Variants in MAP6 observed in about 807,000 individuals in gnomAD.
MAP6 encodes the protein microtubule-associated protein 6.
A neutral mutation model predicts 42.4 loss-of-function variants in MAP6; 26 were observed. That is an observed-to-expected ratio of 0.61 (90% CI 0.45 to 0.85). The LOEUF (loss-of-function observed/expected upper bound fraction) is 0.85, where lower values mean the gene tolerates loss of function less well. Ranked by LOEUF, MAP6 falls within the 40% of genes least tolerant of loss-of-function variation. MAP6 has a pLI of 0.00. For missense variants in MAP6, 966 were observed against 1,099.0 expected (o/e 0.88, Z 1.71); for synonymous variants, 418 against 443.8 (o/e 0.94, Z 0.73).
At chr11:75,652,437 C>T (rs1943663687) in intron 1 of MAP6, among the ~76,000 whole-genome samples, 1 of 152,182 alleles carries the variant, frequency 6.6e-6, no homozygotes, top group African/African-American at 2.4e-5. Context: ...GTTTTGCCTG[C>T]TGATATCAGA....
intron 1 of MAP6, among the ~76,000 whole-genome samples, chr11:75,659,099 T>G (rs982283612): frequency 6.6e-6 from 1 of 152,136 alleles, no homozygotes; most frequent in Non-Finnish European, 1.5e-5. Context: ...GGAAACTGAA[T>G]GAAGAAAGTA....
At chr11:75,605,347 C>G in intron 3 of MAP6, 3 of 986,298 alleles carry the variant, frequency 3.0e-6, no homozygotes, top group Non-Finnish European at 3.6e-6. Flanking sequence ...TTGCTGAAGC[C>G]CAGGCTGAGC....
At chr11:75,603,574 G>C in intron 3 of MAP6, 1 of 954,002 alleles carries the variant, frequency 1.0e-6, no homozygotes, top group Non-Finnish European at 1.2e-6. Flanking sequence ...AGGGTAGGAA[G>C]TTGGTCCCTG....
At chr11:75,636,300 T>G (rs1458700371) in intron 1 of MAP6, 1 of 152,244 alleles carries the variant, frequency 6.6e-6, no homozygotes, top group Non-Finnish European at 1.5e-5. Flanking sequence ...CACCTGCCCT[T>G]CTGAAAAGCT....
chr11:75,655,263 G>A (rs1018810131), intron 1 of MAP6, among the ~76,000 whole-genome samples: 5 of 152,176 alleles, frequency 3.3e-5, no homozygotes, highest in Non-Finnish European at 7.3e-5. Context: ...TGCTTTTATA[G>A]TATAAGCCTC....
intron 1 of MAP6, among the ~76,000 whole-genome samples, chr11:75,649,361 C>T (rs1370815911): frequency 6.6e-6 from 1 of 152,054 alleles, no homozygotes; most frequent in Non-Finnish European, 1.5e-5. Flanking sequence ...AGGCCTTACA[C>T]AGCTCATGGA....
intron 1 of MAP6, among the ~76,000 whole-genome samples, chr11:75,655,540 TAA>T (rs1470579612): frequency 1.3e-5 from 2 of 152,188 alleles, no homozygotes; most frequent in Non-Finnish European, 2.9e-5. Context: ...ATTGGTCAGA[TAA>T]TGGAAGGCAC....
Position 75,645,363 on chromosome 11 carries a change from C to T in MAP6, c.905+22102G>A, listed in dbSNP as rs185404166. On this transcript the variant is annotated intron_variant, in intron 1 of 3. Coordinates refer to ENST00000304771, the MANE Select transcript of MAP6 (RefSeq NM_033063.2). ...GTTCTGGGTGGGGGTGGGATGGAGT[C>T]GGGGAACCTGCCACTATCCATCAAA... 3.5e-3 allele frequency among the ~76,000 whole-genome samples: 536 copies of T among 151,974 alleles called. 1 individual carries two copies. Among genetic ancestry groups the T allele is most frequent in the Non-Finnish European group, 5.7e-3 (390 of 67,970 alleles).
intron 1 of MAP6, among the ~76,000 whole-genome samples, chr11:75,646,796 A>G (rs1339404805): frequency 6.6e-6 from 1 of 152,120 alleles, no homozygotes; most frequent in African/African-American, 2.4e-5. Context: ...GCAAAACTCC[A>G]TCTCAAAAAA....
Position 75,668,280 on chromosome 11 carries a change from G to A in MAP6, c.90C>T (p.Phe30=), listed in dbSNP as rs751504650. The A allele has an allele frequency of 3.2e-6, 5 of 1,545,666 alleles. No homozygotes were observed. The South Asian group carries it at 5.8e-5, about 18-fold the overall frequency. ...DKADIAVPLV[F]TKYSEATEHP... ...GCTCGGTGGCCTCCGAGTACTTGGTGAAAACCAGCGGCACAGCGATGTCCG... is the reference window on the plus strand; with the variant it reads ...GCTCGGTGGCCTCCGAGTACTTGGTAAAAACCAGCGGCACAGCGATGTCCG... The change falls in exon 1 of 4, where the codon TTC becomes TTT. Residue 30 remains phenylalanine, a synonymous_variant. Coordinates refer to ENST00000304771, the MANE Select transcript of MAP6 (RefSeq NM_033063.2).
chr11:75,668,183 G>T lies in MAP6; in HGVS notation c.187C>A (p.Arg63Ser), dbSNP rs964989648. 1.5e-5 allele frequency: 19 copies of T among 1,232,364 alleles called. 1 individual carries two copies. In the Admixed American group the frequency reaches 7.5e-4, roughly 49 times the overall value. The allele number at this position is 1,232,364 out of a possible 1,614,324, so 76.3% of individuals were successfully genotyped here. Residue 63 changes from arginine (R) to serine (S), a missense_variant, in exon 1 of 4, where the codon CGC (arginine) becomes AGC (serine). Physicochemically the swap from Arg to Ser is moderately radical, Grantham distance 110 (BLOSUM62 -1). Coordinates refer to ENST00000304771, the MANE Select transcript of MAP6 (RefSeq NM_033063.2). ...GGCTGCGTCTCTATGGCAACCGCGC[G>T]CGCCGAGGGGGGCGCGAGCGCCGGC... Reference protein sequence around the residue: ...AQPALAPPSARAVAIETQPAQ... With the variant: ...AQPALAPPSASAVAIETQPAQ...
rs1306267830 is a variant in MAP6, at chr11:75,667,718, C to T, written c.652G>A (p.Ala218Thr). 1 of 1,288,418 alleles carries T rather than the reference C, an allele frequency of 7.8e-7. No individual in the cohort carries two copies. Among genetic ancestry groups the T allele is most frequent in the Non-Finnish European group, 9.8e-7 (1 of 1,021,386 alleles). The allele number at this position is 1,288,418 out of a possible 1,614,324, so 79.8% of individuals were successfully genotyped here. The change falls in exon 1 of 4, where the codon GCC becomes ACC. Residue 218 changes from alanine (A) to threonine (T), a missense_variant. Transcript: ENST00000304771. This position sits in a 1 kb window ranked among gnomAD's most constrained non-coding sequence, Gnocchi z 5.6. ...AAAEAREQEA[A>T]PGGAGGLAAG... is the part of the protein sequence containing the mutation. ...GCCAGGCCACCCGCTCCGCCGGGGG[C>T]CGCCTCCTGCTCCCGGGCCTCAGCG...
intron 1 of MAP6, among the ~76,000 whole-genome samples, chr11:75,632,254 C>A (rs538693181): frequency 6.6e-6 from 1 of 152,300 alleles, no homozygotes; most frequent in South Asian, 2.1e-4. Context: ...AAGCCCAGGG[C>A]AGGCTTCCTC....
At chr11:75,624,966 C>CT (rs1237799916) in intron 1 of MAP6, among the ~76,000 whole-genome samples, 4 of 152,178 alleles carry the variant, frequency 2.6e-5, no homozygotes, top group Non-Finnish European at 5.9e-5. Flanking sequence ...GAACTGGCCT[C>CT]TAACAATGTT....
At chr11:75,625,362 G>A (rs1017050065) in intron 1 of MAP6, among the ~76,000 whole-genome samples, 3 of 152,160 alleles carry the variant, frequency 2.0e-5, no homozygotes, top group Non-Finnish European at 4.4e-5. Context: ...AGCCTCCTTC[G>A]CATCAGCACC....
intron 1 of MAP6, among the ~76,000 whole-genome samples, chr11:75,616,088 A>G (rs1942989984): frequency 6.6e-6 from 1 of 152,192 alleles, no homozygotes; most frequent in Admixed American, 6.5e-5. Flanking sequence ...TATATAAGGA[A>G]CAAGTTTTAC....
chr11:75,618,778 C>T (rs757373674), intron 1 of MAP6, among the ~76,000 whole-genome samples: 1 of 152,210 alleles, frequency 6.6e-6, no homozygotes, highest in Non-Finnish European at 1.5e-5. Flanking sequence ...CTAAATTGAC[C>T]TCCTGTCGAT....
Position 75,667,598 on chromosome 11 carries a change from G to C in MAP6, c.772C>G (p.Gln258Glu), listed in dbSNP as rs1943975236. ...VRRAEGLGHE[Q>E]TPLPAAQAQV... ...GCCTGGGCCGCGGGCAGCGGCGTCT[G>C]CTCGTGCCCCAGGCCCTCGGCGCGG... is the stretch of plus-strand genomic sequence containing the variant. The change falls in exon 1 of 4, where the codon CAG (glutamine) becomes GAG (glutamate). Residue 258 changes from glutamine to glutamate, a missense_variant. Gln to Glu is a conservative substitution (Grantham distance 29, BLOSUM62 2). This residue lies in a region of MAP6 where 943 missense variants were observed against 1,049.9 expected (regional missense o/e 0.90). Transcript: ENST00000304771. The surrounding 1 kb of genome is among the most constrained non-coding windows in gnomAD (Gnocchi z 5.6). The C allele has an allele frequency of 3.7e-6, 5 of 1,356,872 alleles. No homozygotes were observed. Among genetic ancestry groups the C allele is most frequent in the African/African-American group, 1.5e-5 (1 of 65,074 alleles). 84.1% of individuals were successfully genotyped at this position (1,356,872 alleles called of 1,614,324 possible). A position where few individuals can be genotyped will look rare whatever the true frequency, so the allele number is the denominator to read the frequency against.
chr11:75,631,144 T>G (rs1943278137), intron 1 of MAP6, among the ~76,000 whole-genome samples: 1 of 152,200 alleles, frequency 6.6e-6, no homozygotes, highest in Non-Finnish European at 1.5e-5. Context: ...TAATTCAAAT[T>G]ACCTTAAAGA....
Sources: allele counts gnomAD v4.1 joint callset (sites outside exome capture counted in the v4.1 genomes callset), GRCh38; gene constraint gnomAD v4.1.1; regional missense constraint gnomAD v4.1.1; non-coding constraint Gnocchi (gnomAD v3.1); transcripts MANE v1.5; gene names NCBI Gene and HGNC (gene_info 2026-07-23, HGNC 2026-07-21).